CTNNA3: variants seen among roughly 807,000 people sequenced by gnomAD.
CTNNA3 encodes catenin alpha 3.
Under a neutral mutation model 95.7 loss-of-function variants are expected in CTNNA3, and 76 were observed. The ratio of observed to expected loss-of-function variants is 0.79; its 90% CI spans 0.66 to 0.96. The LOEUF (loss-of-function observed/expected upper bound fraction) is 0.96, where lower values mean the gene tolerates loss of function less well. CTNNA3 is among the 40% of genes least tolerant of loss of function. CTNNA3 has a pLI of 0.00. For synonymous variants in CTNNA3, 431 were observed against 374.4 expected, an observed-to-expected ratio of 1.15 and a Z score of -1.74; for missense variants, 1,191 against 1,089.8, an observed-to-expected ratio of 1.09 and a Z score of -1.31.
At chr10:67,021,828 A>T (rs1272324897) in intron 7 of CTNNA3, among the ~76,000 whole-genome samples, 1 of 152,326 alleles carries the variant, frequency 6.6e-6, no homozygotes, top group East Asian at 1.9e-4. Context: ...AGGAAGTACT[A>T]TAAAGGGAAA....
intron 13 of CTNNA3, among the ~76,000 whole-genome samples, chr10:66,114,388 ATATATG>A (rs2082237633): frequency 6.6e-6 from 1 of 151,652 alleles, no homozygotes; most frequent in Admixed American, 6.6e-5. Context: ...ATATGTGTGT[ATATATG>A]TATATGTGTA....
chr10:66,475,984 T>C (rs1589302423), intron 11 of CTNNA3, among the ~76,000 whole-genome samples: 2 of 152,084 alleles, frequency 1.3e-5, no homozygotes, highest in East Asian at 3.9e-4. Context: ...AATGATAGAC[T>C]GGATAAAGAA....
chr10:67,550,496 A>G (rs1190768522), intron 3 of CTNNA3, among the ~76,000 whole-genome samples: 1 of 152,166 alleles, frequency 6.6e-6, no homozygotes, highest in Non-Finnish European at 1.5e-5. Flanking sequence ...GATTATGGAA[A>G]CACATAGAAT....
chr10:67,574,444 T>G (rs1163801840), intron 3 of CTNNA3, among the ~76,000 whole-genome samples: 1 of 152,220 alleles, frequency 6.6e-6, no homozygotes, highest in Non-Finnish European at 1.5e-5. Context: ...TTAATTAGTG[T>G]CCTGACCACT....
chr10:66,846,000 C>T (rs1564720165), intron 7 of CTNNA3, among the ~76,000 whole-genome samples: 1 of 151,734 alleles, frequency 6.6e-6, no homozygotes, highest in Non-Finnish European at 1.5e-5. Flanking sequence ...GGCATGGTGG[C>T]ATGTGCCTAT....
At chr10:66,552,718 C>T (rs1238176870) in intron 10 of CTNNA3, among the ~76,000 whole-genome samples, 1 of 151,920 alleles carries the variant, frequency 6.6e-6, no homozygotes, top group Non-Finnish European at 1.5e-5. Context: ...TGAAAGGACT[C>T]TTTAGGTGCA....
chr10:66,010,274 A>G (rs1435041673), intron 15 of CTNNA3, among the ~76,000 whole-genome samples: 1 of 152,164 alleles, frequency 6.6e-6, no homozygotes, highest in Non-Finnish European at 1.5e-5. Flanking sequence ...ACATATTTTT[A>G]TTGCTCCTCA....
At chr10:66,567,614 G>A (rs898844754) in intron 10 of CTNNA3, among the ~76,000 whole-genome samples, 3 of 151,998 alleles carry the variant, frequency 2.0e-5, no homozygotes, top group African/African-American at 4.8e-5. Flanking sequence ...GCAAGTCTCT[G>A]TCTCGGGGAA....
At chr10:66,582,297 C>G (rs901137333) in intron 10 of CTNNA3, among the ~76,000 whole-genome samples, 5 of 145,902 alleles carry the variant, frequency 3.4e-5, no homozygotes, top group African/African-American at 1.2e-4. Context: ...TTTCCATTTG[C>G]TTTTGTCATC....
At chr10:66,465,876 C>G (rs1475701204) in intron 11 of CTNNA3, among the ~76,000 whole-genome samples, 2 of 151,842 alleles carry the variant, frequency 1.3e-5, no homozygotes, top group African/African-American at 4.8e-5. Flanking sequence ...ATAGTTTCAC[C>G]CAAATACATT....
At chr10:66,657,854 A>G (rs1487354044) in intron 9 of CTNNA3, among the ~76,000 whole-genome samples, 1 of 152,158 alleles carries the variant, frequency 6.6e-6, no homozygotes, top group East Asian at 1.9e-4. Context: ...CAGTCGTGCA[A>G]TTAAACCCTG....
Position 66,465,389 on chromosome 10 carries a change from A to T in CTNNA3, c.1531+55228T>A, listed in dbSNP as rs904243949. Reference sequence around the variant, plus strand: ...ACTTAGGATCACTTTTGATGTGACAAAATACATTAGGTCTATCTTTCAGAA... The same window carrying T: ...ACTTAGGATCACTTTTGATGTGACATAATACATTAGGTCTATCTTTCAGAA... On this transcript the variant is annotated intron_variant, in intron 11 of 17. Coordinates refer to ENST00000433211, the MANE Select transcript of CTNNA3 (RefSeq NM_013266.4). Among the ~76,000 whole-genome samples, 51 of 152,270 alleles carry T rather than the reference A, an allele frequency of 3.3e-4. 1 individual carries two copies. The highest frequency in any genetic ancestry group is 1.0e-3 in the African/African-American group (43 of 41,566).
At chr10:66,716,596 G>A (rs1438210865) in intron 9 of CTNNA3, among the ~76,000 whole-genome samples, 1 of 152,118 alleles carries the variant, frequency 6.6e-6, no homozygotes, top group Non-Finnish European at 1.5e-5. Flanking sequence ...AGTGCTGTAG[G>A]CCAGAATTGA....
intron 11 of CTNNA3, among the ~76,000 whole-genome samples, chr10:66,459,447 A>C (rs767325070): frequency 7.9e-5 from 12 of 152,200 alleles, no homozygotes; most frequent in Non-Finnish European, 1.5e-4. Flanking sequence ...ATAGTAATCT[A>C]TGATGCTTTT....
Position 66,625,347 on chromosome 10 carries a change from A to T in CTNNA3, c.1282-3563T>A, listed in dbSNP as rs570994126. On this transcript the variant is annotated intron_variant, in intron 9 of 17. Transcript: ENST00000433211. The stretch of plus-strand genomic sequence containing the variant: ...ATTCCTCAGCTGAACAATCATGTTA[A>T]TGTTTGTTCCCTTCCTTCTGGTTCC... 8.9e-4 allele frequency among the ~76,000 whole-genome samples: 135 copies of T among 152,188 alleles called. 1 individual carries two copies. The highest frequency in any genetic ancestry group is 3.2e-3 in the African/African-American group (131 of 41,554).
chr10:67,546,578 A>C (rs1363272174), intron 3 of CTNNA3, among the ~76,000 whole-genome samples: 1 of 152,248 alleles, frequency 6.6e-6, no homozygotes, highest in Non-Finnish European at 1.5e-5. Context: ...TCCATATTGT[A>C]AACCAGTCAA....
chr10:67,211,872 C>T (rs1864153081), intron 6 of CTNNA3, among the ~76,000 whole-genome samples: 1 of 151,982 alleles, frequency 6.6e-6, no homozygotes, highest in South Asian at 2.1e-4. Flanking sequence ...GTAGTTTGCT[C>T]CTCTATAAAG....
intron 3 of CTNNA3, among the ~76,000 whole-genome samples, chr10:67,562,771 G>C (rs977641655): frequency 2.6e-5 from 4 of 152,168 alleles, no homozygotes; most frequent in Non-Finnish European, 5.9e-5. Context: ...TCCTTAAGCT[G>C]ATAAGCAACT....
intron 7 of CTNNA3, among the ~76,000 whole-genome samples, chr10:67,134,664 T>C (rs906228159): frequency 2.0e-5 from 3 of 152,126 alleles, no homozygotes; most frequent in Admixed American, 6.6e-5. Context: ...TCTGCATCCA[T>C]TCAGTTTTAT....
Sources: gnomAD v4.1 joint callset for allele counts (sites outside exome capture counted in the v4.1 genomes callset) on GRCh38, gnomAD v4.1.1 for gene constraint, MANE v1.5 for transcripts, NCBI Gene and HGNC (gene_info 2026-07-23, HGNC 2026-07-21) for gene names.